RBFOX1: variants seen among roughly 807,000 people sequenced by gnomAD.
The protein encoded by RBFOX1 is RNA binding protein fox-1 homolog 1.
RBFOX1 carries 8 observed loss-of-function variants against 57.7 expected under a neutral mutation model. That is an observed-to-expected ratio of 0.14 (90% CI 0.08 to 0.25). The LOEUF is 0.25. Among genes scored for constraint, RBFOX1 ranks in the 10% least tolerant of loss-of-function variants. The pLI is 1.00. For synonymous variants in RBFOX1, 326 were observed against 222.4 expected, an observed-to-expected ratio of 1.47 and a Z score of -4.15; for missense variants, 611 against 548.5, an observed-to-expected ratio of 1.11 and a Z score of -1.14.
rs527347217 is a variant in RBFOX1 at position 6,489,210 on chromosome 16, A to C, written c.-63-165393A>C. ...CTAGAAGAGAAATGTAACGTCACTA[A>C]ATGAATAATGGAAGAGCAATTCTAA... On this transcript the variant is annotated intron_variant, in intron 2 of 15. Transcript: ENST00000550418. Among the ~76,000 whole-genome samples the C allele has an allele frequency of 4.6e-5, 7 of 152,298 alleles. No individual in the cohort carries two copies. In the South Asian group the frequency reaches 1.4e-3, roughly 32 times the overall value.
rs1453613747 is a variant in RBFOX1, at chr16:6,187,507, C to T, written c.-126-129488C>T. Reference sequence around the variant, plus strand: ...CTAATGATGGGGAATTTAAGAATTACTGTAACCAAAAATAACTAGCTCTCA... The same window carrying T: ...CTAATGATGGGGAATTTAAGAATTATTGTAACCAAAAATAACTAGCTCTCA... On this transcript the variant is annotated intron_variant, in intron 1 of 15. Transcript: ENST00000550418. Among the ~76,000 whole-genome samples, 5 of 152,258 alleles carry T rather than the reference C, an allele frequency of 3.3e-5. No homozygotes were observed. In the East Asian group the frequency reaches 7.7e-4, roughly 24 times the overall value.
rs539376904 is a variant in RBFOX1, at chr16:7,514,306, C to T, written c.28-3841C>T. Among the ~76,000 whole-genome samples the T allele has an allele frequency of 3.3e-4, 50 of 152,320 alleles. No homozygotes were observed. In the South Asian group the frequency reaches 0.01, roughly 32 times the overall value. ...TCATGAGTCGTTTGCTAGGTCCTCT[C>T]TTCATCCCCCTACCCTATCTCCTGC... On this transcript the variant is annotated intron_variant, in intron 4 of 15. Transcript: ENST00000550418.
intron 4 of RBFOX1, among the ~76,000 whole-genome samples, chr16:7,328,991 TG>T (rs1434624078): frequency 6.6e-6 from 1 of 152,190 alleles, no homozygotes; most frequent in Admixed American, 6.5e-5. Context: ...AATAATATTT[TG>T]TGACCTGTAA....
chr16:7,358,335 T>C (rs2097256853), intron 4 of RBFOX1, among the ~76,000 whole-genome samples: 1 of 152,224 alleles, frequency 6.6e-6, no homozygotes. Flanking sequence ...GCAAATTGTT[T>C]AATAAATAAT....
chr16:5,693,794 A>G (rs1379058447), intron 3 of RBFOX1, among the ~76,000 whole-genome samples: 4 of 152,128 alleles, frequency 2.6e-5, no homozygotes, highest in African/African-American at 9.7e-5. Flanking sequence ...CCCTTCTTAT[A>G]AGTAGGCAAC....
At chr16:5,546,840 A>C (rs1004592216) in intron 2 of RBFOX1, among the ~76,000 whole-genome samples, 1 of 152,198 alleles carries the variant, frequency 6.6e-6, no homozygotes, top group Admixed American at 6.5e-5. Context: ...TTTGGAGAAA[A>C]TGTCTGCAAA....
At chr16:7,013,744 A>G (rs1324457696) in intron 3 of RBFOX1, among the ~76,000 whole-genome samples, 1 of 151,664 alleles carries the variant, frequency 6.6e-6, no homozygotes, top group Non-Finnish European at 1.5e-5. Context: ...TGCAGCCTCA[A>G]ACTCCCAGGC....
intron 4 of RBFOX1, among the ~76,000 whole-genome samples, chr16:7,283,930 G>A (rs2095598594): frequency 6.6e-6 from 1 of 152,112 alleles, no homozygotes; most frequent in Admixed American, 6.6e-5. Flanking sequence ...ACTTGCCTAG[G>A]GCCTAGTTAT....
intron 3 of RBFOX1, among the ~76,000 whole-genome samples, chr16:6,928,882 CTT>C (rs762491417): frequency 7.9e-4 from 120 of 152,228 alleles, no homozygotes; most frequent in Admixed American, 2.2e-3. Flanking sequence ...ACCACAGAAA[CTT>C]AGAAATGGAG....
intron 3 of RBFOX1, among the ~76,000 whole-genome samples, chr16:5,819,899 C>G (rs745652528): frequency 6.6e-6 from 1 of 152,192 alleles, no homozygotes; most frequent in Non-Finnish European, 1.5e-5. Flanking sequence ...TCATTCATCA[C>G]TCACCTCCGT....
intron 4 of RBFOX1, among the ~76,000 whole-genome samples, chr16:5,942,468 G>C (rs924692333): frequency 2.0e-5 from 3 of 152,132 alleles, no homozygotes; most frequent in Non-Finnish European, 2.9e-5. Context: ...ACCAATCTTA[G>C]GTTCTACAAT....
intron 4 of RBFOX1, among the ~76,000 whole-genome samples, chr16:7,490,829 C>T (rs2066737108): frequency 6.6e-6 from 1 of 152,134 alleles, no homozygotes; most frequent in African/African-American, 2.4e-5. Flanking sequence ...CCCATCTTAC[C>T]CAGAAACAGC....
chr16:7,472,824 A>G (rs1181615091), intron 4 of RBFOX1, among the ~76,000 whole-genome samples: 3 of 152,376 alleles, frequency 2.0e-5, no homozygotes, highest in African/African-American at 7.2e-5. Flanking sequence ...ATATTATTAG[A>G]TAAAAGTGTT....
intron 4 of RBFOX1, among the ~76,000 whole-genome samples, chr16:7,062,655 A>G (rs1469944788): frequency 6.6e-6 from 1 of 152,194 alleles, no homozygotes. Flanking sequence ...GGACAGTTGA[A>G]TTCTTTCTCC....
intron 4 of RBFOX1, among the ~76,000 whole-genome samples, chr16:7,209,257 C>T (rs1226942829): frequency 6.6e-6 from 1 of 151,858 alleles, no homozygotes; most frequent in Non-Finnish European, 1.5e-5. Flanking sequence ...ATCACTTGAA[C>T]CCAAGAGGCA....
At chr16:6,406,233 A>T (rs2093276124) in intron 2 of RBFOX1, among the ~76,000 whole-genome samples, 1 of 152,218 alleles carries the variant, frequency 6.6e-6, no homozygotes, top group Admixed American at 6.5e-5. Context: ...GATTCTCTTT[A>T]CAGAGGCAAT....
intron 9 of RBFOX1, among the ~76,000 whole-genome samples, chr16:7,599,764 C>G (rs1287815996): frequency 6.7e-6 from 1 of 148,946 alleles, no homozygotes; most frequent in Non-Finnish European, 1.5e-5. Flanking sequence ...TCCCTGGTAG[C>G]TGGGACTACA....
intron 4 of RBFOX1, among the ~76,000 whole-genome samples, chr16:7,165,404 A>AATAATAATAATG (rs1218943516): frequency 2.9e-4 from 43 of 147,324 alleles, no homozygotes; most frequent in Middle Eastern, 7.1e-3. Context: ...TAATAATAAT[A>AATAATAATAATG]ATAATGATAA....
At chr16:7,206,173 C>G (rs1489008973) in intron 4 of RBFOX1, among the ~76,000 whole-genome samples, 1 of 152,114 alleles carries the variant, frequency 6.6e-6, no homozygotes, top group Non-Finnish European at 1.5e-5. Flanking sequence ...TGGAGTAAGT[C>G]AGTAGAAACA....
Sources: gnomAD v4.1 joint callset for allele counts (sites outside exome capture counted in the v4.1 genomes callset) on GRCh38, gnomAD v4.1.1 for gene constraint, MANE v1.5 for transcripts, NCBI Gene and HGNC (gene_info 2026-07-23, HGNC 2026-07-21) for gene names.